VIPR2: variants seen among roughly 807,000 people sequenced by gnomAD.
VIPR2 encodes the protein vasoactive intestinal peptide receptor 2, also known as vasoactive intestinal polypeptide receptor 2.
In VIPR2, 48 loss-of-function variants were observed where a neutral mutation model predicts 58.0. The ratio of observed to expected loss-of-function variants is 0.83; its 90% CI spans 0.66 to 1.05. The LOEUF is 1.05. Among genes scored for constraint, VIPR2 ranks in the 50% least tolerant of loss-of-function variants. The pLI, the probability that VIPR2 is intolerant of heterozygous loss-of-function variation, is 0.00. For synonymous variants in VIPR2, 243 were observed against 235.2 expected, an observed-to-expected ratio of 1.03 and a Z score of -0.30; for missense variants, 534 against 558.0, an observed-to-expected ratio of 0.96 and a Z score of 0.43.
chr7:159,124,641 C>T (rs1289490819), intron 2 of VIPR2, among the ~76,000 whole-genome samples: 2 of 152,110 alleles, frequency 1.3e-5, no homozygotes, highest in East Asian at 1.9e-4. Flanking sequence ...TTCTTGGTTC[C>T]ATATGAATTT....
intron 4 of VIPR2, among the ~76,000 whole-genome samples, chr7:159,064,021 G>A (rs1203186110): frequency 6.6e-6 from 1 of 151,940 alleles, no homozygotes; most frequent in Admixed American, 6.5e-5. Flanking sequence ...CTAGGCCAGA[G>A]GCGTCCCCTG....
chr7:159,065,642 C>T (rs1856036999), intron 4 of VIPR2, among the ~76,000 whole-genome samples: 1 of 152,192 alleles, frequency 6.6e-6, no homozygotes, highest in Admixed American at 6.5e-5. Context: ...ATAAAAAGAC[C>T]ATCAGATTGA....
intron 4 of VIPR2, among the ~76,000 whole-genome samples, chr7:159,076,915 T>C (rs1856665409): frequency 6.6e-6 from 1 of 152,246 alleles, no homozygotes; most frequent in African/African-American, 2.4e-5. Context: ...TTTACAAAAT[T>C]GTGCAAGTCC....
At chr7:159,058,599 T>G (rs1467142801) in intron 4 of VIPR2, 21 bp from the exon 5 acceptor site, 1 of 1,553,252 alleles carries the variant, frequency 6.4e-7, no homozygotes, top group South Asian at 1.1e-5. Flanking sequence ...AGAAAACAGA[T>G]CTGTAAGCTG....
chr7:159,132,926 GACAGAATGATTGGCATACAGATTGATTTC>G (rs1797021777), intron 2 of VIPR2, among the ~76,000 whole-genome samples: 4 of 147,274 alleles, frequency 2.7e-5, no homozygotes, highest in Admixed American at 6.9e-5. Context: ...ATTGATTTCA[GACAGAATGATTGGCATACAGATTGATTTC>G]AGACAGAATG....
At chr7:159,086,055 T>C (rs1857154573) in intron 4 of VIPR2, among the ~76,000 whole-genome samples, 1 of 152,196 alleles carries the variant, frequency 6.6e-6, no homozygotes, top group African/African-American at 2.4e-5. Flanking sequence ...TTGTAACAAG[T>C]GCACCACATT....
At chr7:159,083,515 T>C (rs1857017561) in intron 4 of VIPR2, among the ~76,000 whole-genome samples, 4 of 152,170 alleles carry the variant, frequency 2.6e-5, no homozygotes, top group African/African-American at 9.7e-5. Flanking sequence ...GGAGTGACCA[T>C]AGCAGAGTCC....
intron 5 of VIPR2, among the ~76,000 whole-genome samples, chr7:159,045,284 C>T (rs1018892078): frequency 2.6e-5 from 4 of 152,136 alleles, no homozygotes; most frequent in Non-Finnish European, 5.9e-5. Flanking sequence ...TATGATGGAT[C>T]CTGAACAGCC....
intron 2 of VIPR2, among the ~76,000 whole-genome samples, chr7:159,125,317 C>T (rs1426284244): frequency 9.9e-5 from 15 of 152,180 alleles, no homozygotes; most frequent in East Asian, 1.9e-4. Context: ...ATCCAGTTGG[C>T]GTCCATGCCT....
chr7:159,084,743 G>A (rs1335596088), intron 4 of VIPR2, among the ~76,000 whole-genome samples: 6 of 152,226 alleles, frequency 3.9e-5, no homozygotes, highest in Non-Finnish European at 5.9e-5. Context: ...GGTACAGGGA[G>A]GATTTCGGGG....
chr7:159,086,613 G>C (rs1857187463), intron 4 of VIPR2, among the ~76,000 whole-genome samples: 1 of 152,246 alleles, frequency 6.6e-6, no homozygotes, highest in Non-Finnish European at 1.5e-5. Flanking sequence ...TCTTTCCAGG[G>C]ATGCTCTTCC....
intron 5 of VIPR2, among the ~76,000 whole-genome samples, chr7:159,046,749 G>A (rs968285166): frequency 3.9e-5 from 6 of 151,934 alleles, no homozygotes; most frequent in Non-Finnish European, 8.8e-5. Flanking sequence ...AACAATTATG[G>A]CCAGCTGAAA....
At chr7:159,094,105 C>T (rs991842789) in intron 4 of VIPR2, among the ~76,000 whole-genome samples, 28 of 152,188 alleles carry the variant, frequency 1.8e-4, no homozygotes, top group Non-Finnish European at 3.4e-4. Context: ...AGGGGATGGT[C>T]TCTCACTGCA....
intron 2 of VIPR2, among the ~76,000 whole-genome samples, chr7:159,133,029 T>TTGGCATACCGATTGATTTTAGACAGAA (rs1585563303): frequency 2.3e-5 from 2 of 88,384 alleles, no homozygotes; most frequent in African/African-American, 4.8e-5. Flanking sequence ...GACAGAATGA[T>TTGGCATACCGATTGATTTTAGACAGAA]TCCAAAAATG....
intron 2 of VIPR2, among the ~76,000 whole-genome samples, chr7:159,138,978 T>A (rs1051453091): frequency 3.9e-5 from 6 of 152,158 alleles, no homozygotes; most frequent in Non-Finnish European, 8.8e-5. Context: ...TGATGCCATC[T>A]CCTCTGGGCA....
intron 4 of VIPR2, among the ~76,000 whole-genome samples, chr7:159,083,816 C>A (rs1857034566): frequency 6.6e-6 from 1 of 152,248 alleles, no homozygotes; most frequent in African/African-American, 2.4e-5. Context: ...AACTGTGTCC[C>A]TAACTGCAGG....
chr7:159,055,717 G>A (rs1489119203), intron 5 of VIPR2, among the ~76,000 whole-genome samples: 2 of 152,084 alleles, frequency 1.3e-5, no homozygotes, highest in Non-Finnish European at 2.9e-5. Context: ...TCCACCCCCT[G>A]TGTTTCTGTG....
chr7:159,144,482 C>T (rs1262132364), intron 1 of VIPR2: 2 of 1,539,272 alleles, frequency 1.3e-6, no homozygotes, highest in Admixed American at 4.0e-5. Context: ...CGGTGGGGCG[C>T]GGGGAAGGGC....
At chr7:159,121,633 T>C (rs1796460398) in intron 2 of VIPR2, among the ~76,000 whole-genome samples, 1 of 152,232 alleles carries the variant, frequency 6.6e-6, no homozygotes. Context: ...ATGTTATTCA[T>C]GTAGAACACC....
Sources: gnomAD v4.1 joint callset for allele counts (sites outside exome capture counted in the v4.1 genomes callset) on GRCh38, gnomAD v4.1.1 for gene constraint, MANE v1.5 for transcripts, NCBI Gene and HGNC (gene_info 2026-07-23, HGNC 2026-07-21) for gene names.